PPARGC1B: variants seen among roughly 807,000 people sequenced by gnomAD.
PPARGC1B encodes the protein PPARG coactivator 1 beta.
A neutral mutation model predicts 101.6 loss-of-function variants in PPARGC1B; 34 were observed. The observed-to-expected ratio is 0.33, with a 90% CI of 0.25 to 0.45. The LOEUF (loss-of-function observed/expected upper bound fraction) is 0.45. PPARGC1B is among the 20% of genes least tolerant of loss of function. The pLI, the probability that PPARGC1B is intolerant of heterozygous loss-of-function variation, is 1.00. For missense variants in PPARGC1B, 1,234 were observed against 1,317.6 expected, an observed-to-expected ratio of 0.94 and a Z score of 0.98; for synonymous variants, 548 against 539.3, an observed-to-expected ratio of 1.02 and a Z score of -0.22.
chr5:149,836,791 A>T lies in PPARGC1B; in HGVS notation c.2336A>T (p.Asp779Val), dbSNP rs768564268. The T allele has an allele frequency of 1.2e-6, 2 of 1,613,596 alleles. No individual in the cohort carries two copies. The highest frequency in any genetic ancestry group is 2.2e-5 in the South Asian group (2 of 91,078). ...CTGGAGACCGCCCTGGAGGAGGAAG[A>T]CCTGGCCTCCTGCAAGAGCCCTGAG... ...GLLETALEEE[D>V]LASCKSPEYD... Residue 779 changes from aspartate to valine, a missense_variant, in exon 8 of 12, where the codon GAC (aspartate) becomes GTC (valine). This residue lies in a region of PPARGC1B where 497 missense variants were observed against 529.5 expected (regional missense o/e 0.94). Transcript: ENST00000309241.
chr5:149,837,896 G>A lies in PPARGC1B; in HGVS notation c.2618+823G>A, dbSNP rs1333962654. Among the ~76,000 whole-genome samples, 2 of 152,092 alleles carry A rather than the reference G, an allele frequency of 1.3e-5. No homozygotes were observed. The highest frequency in any genetic ancestry group is 2.9e-5 in the Non-Finnish European group (2 of 68,016). ...GCTCTTGGGCTAGAGCCCAGCTGCC[G>A]AATCCGCTGCAGGATTTGTTGCGCC... is the stretch of plus-strand genomic sequence containing the variant. On this transcript the variant is annotated intron_variant, in intron 8 of 11. Transcript: ENST00000309241. The surrounding 1 kb of genome is among the most constrained non-coding windows in gnomAD (Gnocchi z 4.2).
chr5:149,810,904 G>A (rs1336534464), intron 1 of PPARGC1B, among the ~76,000 whole-genome samples: 1 of 152,158 alleles, frequency 6.6e-6, no homozygotes, highest in Non-Finnish European at 1.5e-5. Flanking sequence ...CCTTGGTTCT[G>A]TGTTATGGTA....
At chr5:149,814,393 A>G (rs1757975839) in intron 1 of PPARGC1B, among the ~76,000 whole-genome samples, 2 of 152,100 alleles carry the variant, frequency 1.3e-5, no homozygotes, top group African/African-American at 2.4e-5. Context: ...CAGAAATTTG[A>G]TAAGTACAGA....
At chr5:149,819,497 T>A (rs1758191685) in intron 1 of PPARGC1B, among the ~76,000 whole-genome samples, 1 of 150,852 alleles carries the variant, frequency 6.6e-6, no homozygotes, top group African/African-American at 2.5e-5. Context: ...TGTTTTTGTT[T>A]TTTTTTGTTT....
chr5:149,818,768 G>T, intron 1 of PPARGC1B: 1 of 452,320 alleles, frequency 2.2e-6, no homozygotes, highest in Non-Finnish European at 4.4e-6. Context: ...ATCATTATTT[G>T]TTATATTACT....
rs1581047998 is a variant in PPARGC1B at position 149,783,091 on chromosome 5, A to AGAGAG, written c.79-37342_79-37341insGAGAG. ...TGATGTCACACTGGAATGAGAGATA[A>AGAGAG]AGAGAGAGAGAGAGAGAGATTGTTG... On this transcript the variant is annotated intron_variant, in intron 1 of 11. Transcript: ENST00000309241. 1.1e-4 allele frequency among the ~76,000 whole-genome samples: 16 copies of AGAGAG among 150,040 alleles called. No homozygotes were observed. In the East Asian group the frequency reaches 2.8e-3, roughly 26 times the overall value.
chr5:149,810,790 C>T (rs376585206), intron 1 of PPARGC1B, among the ~76,000 whole-genome samples: 15 of 151,342 alleles, frequency 9.9e-5, no homozygotes, highest in African/African-American at 3.6e-4. Context: ...GTGTGGATCT[C>T]GGGTGACTCC....
chr5:149,789,954 A>C (rs1049167403), intron 1 of PPARGC1B, among the ~76,000 whole-genome samples: 3 of 152,206 alleles, frequency 2.0e-5, no homozygotes, highest in African/African-American at 7.2e-5. Flanking sequence ...AGGAAGGAGA[A>C]GCAATGTAGA....
chr5:149,777,871 C>G (rs1209457225), intron 1 of PPARGC1B, among the ~76,000 whole-genome samples: 1 of 116,556 alleles, frequency 8.6e-6, no homozygotes, highest in Non-Finnish European at 1.8e-5. Context: ...CCCCTCCCCC[C>G]CCACCACAGA....
intron 1 of PPARGC1B, among the ~76,000 whole-genome samples, chr5:149,788,668 A>G (rs541645153): frequency 2.6e-5 from 4 of 152,354 alleles, no homozygotes; most frequent in African/African-American, 9.6e-5. Context: ...ATAGACTTGG[A>G]ACCAACCCAC....
At chr5:149,846,035 G>T in intron 11 of PPARGC1B, 121 bp downstream of exon 11, 1 of 1,187,932 alleles carries the variant, frequency 8.4e-7, no homozygotes, top group Non-Finnish European at 1.2e-6. Flanking sequence ...CCACACCCCA[G>T]TGTGCTGCTT....
At chr5:149,857,151 T>C (rs1235181930), downstream of PPARGC1B, among the ~76,000 whole-genome samples, 1 of 149,428 alleles carries the variant, frequency 6.7e-6, no homozygotes, top group Non-Finnish European at 1.5e-5. Context: ...CCTCTCTAAG[T>C]CTGCTCCTCA....
At chr5:149,815,109 C>G (rs942191264) in intron 1 of PPARGC1B, among the ~76,000 whole-genome samples, 1 of 152,188 alleles carries the variant, frequency 6.6e-6, no homozygotes, top group Non-Finnish European at 1.5e-5. Flanking sequence ...CCTGGCTTCA[C>G]AGGGAGAGAA....
In PPARGC1B at chr5:149,755,793, G is replaced by A. The variant is rs548162707; in HGVS notation, c.78+25373G>A. Among the ~76,000 whole-genome samples the A allele has an allele frequency of 4.0e-5, 6 of 151,888 alleles. No individual in the cohort carries two copies. In the East Asian group the frequency reaches 7.8e-4, roughly 20 times the overall value. On this transcript the variant is annotated intron_variant, in intron 1 of 11. Transcript: ENST00000309241. The stretch of plus-strand genomic sequence containing the variant: ...CAAGTAGCTGGGATTATAGGTGTCC[G>A]CCACCATGCCCAGCTAATTTTTGTA...
At chr5:149,802,298 C>T (rs564075071) in intron 1 of PPARGC1B, among the ~76,000 whole-genome samples, 146 of 152,328 alleles carry the variant, frequency 9.6e-4, no homozygotes, top group African/African-American at 3.5e-3. Flanking sequence ...GGCTTGCTGG[C>T]TTCTGGCAGC....
chr5:149,803,770 G>A (rs1757506734), intron 1 of PPARGC1B, among the ~76,000 whole-genome samples: 1 of 152,190 alleles, frequency 6.6e-6, no homozygotes, highest in Non-Finnish European at 1.5e-5. Flanking sequence ...GTGGAAACGT[G>A]TGATTCAGTT....
intron 1 of PPARGC1B, among the ~76,000 whole-genome samples, chr5:149,813,522 C>T (rs746385317): frequency 1.6e-4 from 24 of 152,094 alleles, no homozygotes; most frequent in Non-Finnish European, 2.5e-4. Flanking sequence ...TTGGGTGAGC[C>T]GGCAGGTTTA....
Position 149,847,678 on chromosome 5 carries a change from G to A in PPARGC1B, c.*120G>A. 1.4e-6 allele frequency: 1 copy of A among 708,130 alleles called. No individual in the cohort carries two copies. Among genetic ancestry groups the A allele is most frequent in the East Asian group, 2.5e-5 (1 of 39,320 alleles). The allele number at this position is 708,130 out of a possible 1,614,324, so 43.9% of individuals were successfully genotyped here. A position where few individuals can be genotyped will look rare whatever the true frequency, so the allele number is the denominator to read the frequency against. The stretch of plus-strand genomic sequence containing the variant: ...CGAGCGAGCGTGAGAGAACACCCGT[G>A]AGAGAGACTTGAAACTGCTGTCCTT... On this transcript the variant is annotated 3_prime_UTR_variant, in exon 12 of 12. Transcript: ENST00000309241.
At position 149,845,847 on chromosome 5, in the gene PPARGC1B, C is replaced by T. The variant is rs376766880; in HGVS notation, c.2904C>T (p.Asn968=). The change falls in exon 11 of 12, where the codon AAC becomes AAT. Residue 968 remains asparagine, a synonymous_variant. Coordinates refer to ENST00000309241, the MANE Select transcript of PPARGC1B (RefSeq NM_133263.4). Reference sequence around the variant, plus strand: ...AGGGCGCTGCCCTGAGGAAGCGCAACGAGCCCTCCTTCCAGCTGAGCTACG... The same window carrying T: ...AGGGCGCTGCCCTGAGGAAGCGCAATGAGCCCTCCTTCCAGCTGAGCTACG... The part of the protein sequence containing the change: ...LTKGAALRKR[N]EPSFQLSYGG... 2.4e-5 allele frequency: 39 copies of T among 1,614,140 alleles called. No homozygotes were observed. The highest frequency in any genetic ancestry group is 5.0e-5 in the Admixed American group (3 of 60,014).
Sources: allele counts gnomAD v4.1 joint callset (sites outside exome capture counted in the v4.1 genomes callset), GRCh38; gene constraint gnomAD v4.1.1; regional missense constraint gnomAD v4.1.1; non-coding constraint Gnocchi (gnomAD v3.1); transcripts MANE v1.5; gene names NCBI Gene and HGNC (gene_info 2026-07-23, HGNC 2026-07-21).